SHB: variants seen among roughly 807,000 people sequenced by gnomAD.
SHB encodes SH2 domain-containing adapter protein B.
SHB carries 20 observed loss-of-function variants against 52.3 expected under a neutral mutation model. The ratio of observed to expected loss-of-function variants is 0.38; its 90% CI spans 0.27 to 0.56. The LOEUF is 0.56. Ranked by LOEUF, SHB falls within the 20% of genes least tolerant of loss-of-function variation. SHB has a pLI of 0.71. For missense variants in SHB, 825 were observed against 723.3 expected, an observed-to-expected ratio of 1.14 and a Z score of -1.61; for synonymous variants, 397 against 316.5, an observed-to-expected ratio of 1.25 and a Z score of -2.70.
At chr9:38,064,729 C>T (rs575479665) in intron 1 of SHB, among the ~76,000 whole-genome samples, 1 of 152,244 alleles carries the variant, frequency 6.6e-6, no homozygotes, top group Non-Finnish European at 1.5e-5. Flanking sequence ...CCCCTCCTCA[C>T]TCACACTTGT....
intron 5 of SHB, among the ~76,000 whole-genome samples, chr9:37,938,520 C>A (rs1315371302): frequency 6.6e-6 from 1 of 152,184 alleles, no homozygotes; most frequent in Non-Finnish European, 1.5e-5. Context: ...TTGGAGAGAC[C>A]ACCCAATGCC....
intron 1 of SHB, among the ~76,000 whole-genome samples, chr9:38,061,021 C>A (rs1180646470): frequency 6.6e-6 from 1 of 152,192 alleles, no homozygotes; most frequent in African/African-American, 2.4e-5. Context: ...AGACGACCAC[C>A]ACCTTTGTCC....
intron 1 of SHB, among the ~76,000 whole-genome samples, chr9:38,043,082 T>A (rs1821602634): frequency 6.6e-6 from 1 of 152,190 alleles, no homozygotes; most frequent in Non-Finnish European, 1.5e-5. Context: ...GTACATTTCA[T>A]TCTTCCCCTA....
intron 4 of SHB, among the ~76,000 whole-genome samples, chr9:37,949,392 C>CAAAAAAAAAAAAAAAAAAAAAAAAAA (rs771495216): frequency 2.0e-5 from 1 of 50,298 alleles, no homozygotes. Flanking sequence ...GACTCCATCT[C>CAAAAAAAAAAAAAAAAAAAAAAAAAA]AAAAAAAAAA....
At chr9:38,028,923 G>A (rs943947595) in intron 1 of SHB, among the ~76,000 whole-genome samples, 1 of 152,136 alleles carries the variant, frequency 6.6e-6, no homozygotes, top group Non-Finnish European at 1.5e-5. Context: ...TGAGGGTGAG[G>A]GGGCACCTTG....
chr9:37,981,549 A>G (rs1035734644), intron 2 of SHB, among the ~76,000 whole-genome samples: 3 of 141,060 alleles, frequency 2.1e-5, no homozygotes. Context: ...GTGTATTCGC[A>G]GGAGTGACAC....
At chr9:37,951,404 T>C (rs1447453650) in intron 4 of SHB, among the ~76,000 whole-genome samples, 1 of 152,240 alleles carries the variant, frequency 6.6e-6, no homozygotes, top group Non-Finnish European at 1.5e-5. Context: ...CATGTTATGC[T>C]TTAGAAAGGC....
chr9:38,021,108 C>A (rs192835834), intron 1 of SHB, among the ~76,000 whole-genome samples: 1 of 151,500 alleles, frequency 6.6e-6, no homozygotes, highest in Non-Finnish European at 1.5e-5. Context: ...GAGGCCGAGG[C>A]GGGCGGATTA....
intron 4 of SHB, among the ~76,000 whole-genome samples, chr9:37,951,869 A>T (rs1832570152): frequency 6.6e-6 from 1 of 152,206 alleles, no homozygotes; most frequent in Non-Finnish European, 1.5e-5. Flanking sequence ...AGGAGGCTGG[A>T]GACTAGGAGT....
Position 37,991,312 on chromosome 9 carries a change from A to G in SHB, c.839-16475T>C, listed in dbSNP as rs77936874. ...CCGCTTCTCTGATCAGAGTCTGTGC[A>G]CGCTCTCCTCAGGGCTCCACGCTTT... On this transcript the variant is annotated intron_variant, in intron 2 of 5. Coordinates refer to ENST00000377707, the MANE Select transcript of SHB (RefSeq NM_003028.3). 1.9e-3 allele frequency among the ~76,000 whole-genome samples: 286 copies of G among 152,316 alleles called. 1 individual carries two copies. Among genetic ancestry groups the G allele is most frequent in the African/African-American group, 6.6e-3 (274 of 41,558 alleles).
intron 1 of SHB, among the ~76,000 whole-genome samples, chr9:38,066,989 T>C (rs1423118179): frequency 6.6e-6 from 1 of 152,084 alleles, no homozygotes; most frequent in Non-Finnish European, 1.5e-5. Flanking sequence ...AACACTGCCT[T>C]CCACCAGAAG....
At chr9:38,053,747 C>G (rs1270169056) in intron 1 of SHB, among the ~76,000 whole-genome samples, 1 of 152,086 alleles carries the variant, frequency 6.6e-6, no homozygotes, top group Non-Finnish European at 1.5e-5. Flanking sequence ...CTATAGAAAG[C>G]CCAAAGTTCA....
chr9:37,995,148 C>T (rs1820932410), intron 2 of SHB, among the ~76,000 whole-genome samples: 1 of 152,112 alleles, frequency 6.6e-6, no homozygotes, highest in East Asian at 1.9e-4. Context: ...GAAGGGCAGG[C>T]GGGCGGCAGC....
At chr9:38,066,937 G>C (rs976049781) in intron 1 of SHB, among the ~76,000 whole-genome samples, 15 of 152,084 alleles carry the variant, frequency 9.9e-5, no homozygotes, top group African/African-American at 3.6e-4. Context: ...CCAGGGCGCT[G>C]AGAAGGAAGG....
intron 2 of SHB, among the ~76,000 whole-genome samples, chr9:38,004,493 A>T (rs1445115936): frequency 6.6e-6 from 1 of 152,206 alleles, no homozygotes; most frequent in Non-Finnish European, 1.5e-5. Flanking sequence ...TGGGGGGACC[A>T]GGCCAGAGGT....
At chr9:38,022,663 G>C (rs1233629735) in intron 1 of SHB, among the ~76,000 whole-genome samples, 1 of 152,238 alleles carries the variant, frequency 6.6e-6, no homozygotes, top group Non-Finnish European at 1.5e-5. Context: ...ATGTCCACAG[G>C]AAGGAGGCTC....
chr9:38,028,408 C>T (rs1417353487), intron 1 of SHB, among the ~76,000 whole-genome samples: 1 of 152,210 alleles, frequency 6.6e-6, no homozygotes, highest in African/African-American at 2.4e-5. Context: ...ATCAGAACAC[C>T]ACGGTGTGCC....
intron 4 of SHB, among the ~76,000 whole-genome samples, chr9:37,952,761 A>G (rs1039577182): frequency 3.8e-5 from 5 of 130,860 alleles, no homozygotes; most frequent in Admixed American, 3.0e-4. Flanking sequence ...GGCTTGAACC[A>G]TAACTAGTTA....
At chr9:37,954,538 G>A (rs1183498889) in intron 4 of SHB, among the ~76,000 whole-genome samples, 4 of 152,170 alleles carry the variant, frequency 2.6e-5, no homozygotes, top group Non-Finnish European at 4.4e-5. Flanking sequence ...ACTCTGAGCC[G>A]TGAGTCCTTG....
Sources: gnomAD v4.1 joint callset for allele counts (sites outside exome capture counted in the v4.1 genomes callset) on GRCh38, gnomAD v4.1.1 for gene constraint, MANE v1.5 for transcripts, NCBI Gene and HGNC (gene_info 2026-07-23, HGNC 2026-07-21) for gene names.